ASTN2: variants seen among roughly 807,000 people sequenced by gnomAD.
The protein encoded by ASTN2 is astrotactin 2, also known as astrotactin-2.
Under a neutral mutation model 139.8 loss-of-function variants are expected in ASTN2, and 54 were observed. The ratio of observed to expected loss-of-function variants is 0.39; its 90% CI spans 0.31 to 0.48. The LOEUF (loss-of-function observed/expected upper bound fraction) is 0.48. ASTN2 is among the 20% of genes least tolerant of loss of function. The probability of loss-of-function intolerance (pLI) is 0.95; values close to 1 mark genes in which losing one functional copy is unlikely to be tolerated. For synonymous variants in ASTN2, 756 were observed against 719.5 expected (o/e 1.05, Z -0.81); for missense variants, 1,565 against 1,725.1 (o/e 0.91, Z 1.64).
At chr9:116,753,315 C>T (rs1829448228) in intron 13 of ASTN2, among the ~76,000 whole-genome samples, 1 of 152,150 alleles carries the variant, frequency 6.6e-6, no homozygotes, top group Non-Finnish European at 1.5e-5. Flanking sequence ...GCTATAGAGA[C>T]AGTGAAAAGA....
chr9:116,990,560 C>T (rs549065462), intron 7 of ASTN2, among the ~76,000 whole-genome samples: 11 of 152,298 alleles, frequency 7.2e-5, no homozygotes, highest in African/African-American at 2.4e-4. Context: ...CATAAGCCAC[C>T]ACACCCAGCC....
intron 19 of ASTN2, among the ~76,000 whole-genome samples, chr9:116,606,925 T>C (rs1352204195): frequency 6.6e-6 from 1 of 152,206 alleles, no homozygotes. Context: ...GTCCATATTT[T>C]TTCATTAGGC....
intron 19 of ASTN2, among the ~76,000 whole-genome samples, chr9:116,549,547 G>A (rs1852251388): frequency 6.6e-6 from 1 of 152,204 alleles, no homozygotes; most frequent in South Asian, 2.1e-4. Flanking sequence ...CCTGTTTCCA[G>A]CCTCTTGCTC....
At chr9:116,730,860 C>G (rs1026284726) in intron 14 of ASTN2, among the ~76,000 whole-genome samples, 4 of 152,212 alleles carry the variant, frequency 2.6e-5, no homozygotes, top group Non-Finnish European at 1.5e-5. Flanking sequence ...CCATCCCTCA[C>G]TTCCTTCCAT....
chr9:117,380,167 T>C (rs1830228693), intron 1 of ASTN2, among the ~76,000 whole-genome samples: 1 of 152,192 alleles, frequency 6.6e-6, no homozygotes, highest in African/African-American at 2.4e-5. Flanking sequence ...TGCTGGAATC[T>C]GAAAATACAA....
chr9:116,969,822 A>T (rs571051753), intron 10 of ASTN2, among the ~76,000 whole-genome samples: 1 of 152,330 alleles, frequency 6.6e-6, no homozygotes, highest in Non-Finnish European at 1.5e-5. Flanking sequence ...GCCCACCTCC[A>T]AAATACCTAA....
chr9:116,686,431 G>A (rs181519489), intron 16 of ASTN2, among the ~76,000 whole-genome samples: 129 of 152,260 alleles, frequency 8.5e-4, no homozygotes, highest in African/African-American at 3.0e-3. Flanking sequence ...ATAGCTAAGG[G>A]GAATTTCAAA....
At chr9:116,694,661 C>T (rs1197448773) in intron 16 of ASTN2, among the ~76,000 whole-genome samples, 4 of 145,868 alleles carry the variant, frequency 2.7e-5, no homozygotes, top group Non-Finnish European at 4.5e-5. Context: ...TTAGTAGAGA[C>T]GGAGTTTCAC....
At chr9:117,393,573 C>T (rs963360183) in intron 1 of ASTN2, among the ~76,000 whole-genome samples, 3 of 152,182 alleles carry the variant, frequency 2.0e-5, no homozygotes, top group African/African-American at 7.2e-5. Flanking sequence ...CGTGCCATCA[C>T]TCACACGGGA....
Position 117,056,715 on chromosome 9 carries a change from C to A in ASTN2, c.1277-16750G>T, listed in dbSNP as rs575049099. On this transcript the variant is annotated intron_variant, in intron 5 of 22. Coordinates refer to ENST00000313400, the MANE Select transcript of ASTN2 (RefSeq NM_001365068.1). ...CCTGGAAGCCCCTATGTTCACACAT[C>A]AACCCTGGAAGTTGGTGAAATGAAA... 2.0e-5 allele frequency among the ~76,000 whole-genome samples: 3 copies of A among 152,334 alleles called. No homozygotes were observed. In the East Asian group the frequency reaches 5.8e-4, roughly 29 times the overall value.
At chr9:117,237,722 G>A (rs569711845) in intron 2 of ASTN2, among the ~76,000 whole-genome samples, 9 of 152,278 alleles carry the variant, frequency 5.9e-5, no homozygotes, top group African/African-American at 2.2e-4. Context: ...CTTGTGATCT[G>A]CTCACCTTGG....
intron 3 of ASTN2, among the ~76,000 whole-genome samples, chr9:117,145,946 G>C (rs1292148035): frequency 3.3e-5 from 5 of 152,140 alleles, no homozygotes; most frequent in Non-Finnish European, 5.9e-5. Context: ...AAGGCACACA[G>C]AGAAGGAAGG....
intron 2 of ASTN2, among the ~76,000 whole-genome samples, chr9:117,231,567 CAG>C (rs1832892714): frequency 6.6e-6 from 1 of 152,014 alleles, no homozygotes; most frequent in Admixed American, 6.6e-5. Flanking sequence ...AAATCCAAAA[CAG>C]AAGTGGAATT....
At chr9:116,609,891 A>C (rs1231098999) in intron 19 of ASTN2, among the ~76,000 whole-genome samples, 1 of 152,146 alleles carries the variant, frequency 6.6e-6, no homozygotes, top group Non-Finnish European at 1.5e-5. Flanking sequence ...TATCACTTGA[A>C]GGTAACTGTG....
intron 7 of ASTN2, among the ~76,000 whole-genome samples, chr9:117,003,953 C>CGCGCGCGCGCGCGTGTGTGTGT (rs1218309835): frequency 4.1e-5 from 6 of 146,226 alleles, no homozygotes; most frequent in African/African-American, 1.6e-4. Flanking sequence ...CGCGCGCGCG[C>CGCGCGCGCGCGCGTGTGTGTGT]GTGTGTGTGT....
intron 16 of ASTN2, among the ~76,000 whole-genome samples, chr9:116,666,949 CTTTTTTT>C (rs34835904): frequency 1.7e-4 from 12 of 70,366 alleles, no homozygotes; most frequent in Non-Finnish European, 2.5e-4. Flanking sequence ...TTTATTTATT[CTTTTTTT>C]TTTTTTTTTT....
intron 21 of ASTN2, 37 bp from the exon 22 acceptor site, chr9:116,440,829 G>T: frequency 6.3e-7 from 1 of 1,579,734 alleles, no homozygotes; most frequent in Non-Finnish European, 8.6e-7. Context: ...ATCACTGGGT[G>T]GTGAAAAAAA....
rs1378004784 is a variant in ASTN2, at chr9:116,425,842, T to C, written c.*9A>G. ...GAGTCTCTGTGCTCACGGAGGGCAA[T>C]ACCCTCCCTCACCGGCCCTTGGACT... On this transcript the variant is annotated 3_prime_UTR_variant, in exon 23 of 23. Coordinates refer to ENST00000313400, the MANE Select transcript of ASTN2 (RefSeq NM_001365068.1). The C allele has an allele frequency of 3.8e-6, 6 of 1,572,290 alleles. No individual in the cohort carries two copies. Among genetic ancestry groups the C allele is most frequent in the South Asian group, 3.3e-5 (3 of 90,508 alleles).
intron 5 of ASTN2, among the ~76,000 whole-genome samples, chr9:117,050,207 A>G (rs1339244571): frequency 6.6e-6 from 1 of 152,078 alleles, no homozygotes; most frequent in African/African-American, 2.4e-5. Context: ...AACAGAGCAA[A>G]AGAGCAGCCA....
Sources: gnomAD v4.1 joint callset for allele counts (sites outside exome capture counted in the v4.1 genomes callset) on GRCh38, gnomAD v4.1.1 for gene constraint, MANE v1.5 for transcripts, NCBI Gene and HGNC (gene_info 2026-07-23, HGNC 2026-07-21) for gene names.